Variants in RGS7 observed in about 807,000 individuals in gnomAD.
RGS7 encodes the protein regulator of G-protein signaling 7.
A neutral mutation model predicts 81.1 loss-of-function variants in RGS7; 27 were observed. That is an observed-to-expected ratio of 0.33 (90% CI 0.25 to 0.46). The LOEUF is 0.46. Ranked by LOEUF, RGS7 falls within the 20% of genes least tolerant of loss-of-function variation. RGS7 has a pLI of 1.00. For missense variants in RGS7, 396 were observed against 607.4 expected (o/e 0.65, Z 3.66); for synonymous variants, 208 against 207.7 (o/e 1.00, Z -0.01).
chr1:241,008,014 G>A (rs1025494936), intron 3 of RGS7, among the ~76,000 whole-genome samples: 4 of 152,266 alleles, frequency 2.6e-5, no homozygotes, highest in East Asian at 3.9e-4. Flanking sequence ...GTCTTGAAGC[G>A]AAAATAAAGT....
At chr1:241,040,438 A>G (rs1298761239) in intron 3 of RGS7, among the ~76,000 whole-genome samples, 1 of 152,108 alleles carries the variant, frequency 6.6e-6, no homozygotes, top group Non-Finnish European at 1.5e-5. Flanking sequence ...ACATGTGTAG[A>G]TGATTATGAG....
intron 3 of RGS7, among the ~76,000 whole-genome samples, chr1:241,047,609 T>C (rs1439025937): frequency 6.6e-6 from 1 of 152,164 alleles, no homozygotes. Flanking sequence ...ATGTCACTAT[T>C]AGTACTTACT....
intron 3 of RGS7, among the ~76,000 whole-genome samples, chr1:241,016,288 G>C (rs550841774): frequency 6.6e-6 from 1 of 152,112 alleles, no homozygotes; most frequent in African/African-American, 2.4e-5. Context: ...GGGAGGCCAA[G>C]GTGGTCTGAT....
At chr1:241,128,827 C>A (rs2066881408) in intron 2 of RGS7, among the ~76,000 whole-genome samples, 1 of 137,428 alleles carries the variant, frequency 7.3e-6, no homozygotes, top group African/African-American at 2.7e-5. Context: ...TAGGGAATTT[C>A]ATACAAAGGG....
chr1:241,244,611 T>A (rs958364505), intron 2 of RGS7, among the ~76,000 whole-genome samples: 1 of 152,158 alleles, frequency 6.6e-6, no homozygotes, highest in African/African-American at 2.4e-5. Flanking sequence ...ACTGGGTATA[T>A]ACGCAAAGGA....
At chr1:241,083,655 T>C (rs972180355) in intron 3 of RGS7, among the ~76,000 whole-genome samples, 3 of 152,208 alleles carry the variant, frequency 2.0e-5, no homozygotes, top group Non-Finnish European at 4.4e-5. Context: ...CAAGAATTAA[T>C]TTTTTTCCTA....
chr1:241,170,699 G>T (rs980872349), intron 2 of RGS7, among the ~76,000 whole-genome samples: 1 of 152,170 alleles, frequency 6.6e-6, no homozygotes. Context: ...TCTGGAGGGA[G>T]CAGTGCGGAA....
intron 3 of RGS7, among the ~76,000 whole-genome samples, chr1:240,999,410 A>C (rs983164170): frequency 2.0e-5 from 3 of 152,176 alleles, no homozygotes; most frequent in African/African-American, 7.2e-5. Flanking sequence ...ATGTCTTAAG[A>C]AAGTTTACGA....
At chr1:240,828,355 G>C (rs897554305) in intron 9 of RGS7, among the ~76,000 whole-genome samples, 33 of 152,134 alleles carry the variant, frequency 2.2e-4, no homozygotes, top group Non-Finnish European at 7.3e-5. Context: ...AGAGAAGACA[G>C]GAGATTCAAA....
chr1:240,870,934 C>T (rs141774811), intron 6 of RGS7, among the ~76,000 whole-genome samples: 2 of 152,312 alleles, frequency 1.3e-5, no homozygotes, highest in East Asian at 3.9e-4. Context: ...GGTATCACAT[C>T]TTACCTACCT....
chr1:241,214,740 C>T (rs1326418265), intron 2 of RGS7, among the ~76,000 whole-genome samples: 3 of 151,980 alleles, frequency 2.0e-5, no homozygotes, highest in East Asian at 3.8e-4. Flanking sequence ...TCTATTGATT[C>T]GTGACCAAAT....
chr1:241,227,863 GTTTTC>G (rs1165883993), intron 2 of RGS7, among the ~76,000 whole-genome samples: 1 of 152,194 alleles, frequency 6.6e-6, no homozygotes, highest in East Asian at 1.9e-4. Context: ...AGCATATTGT[GTTTTC>G]TGAAGGTAGG....
At chr1:241,105,090 T>G (rs984740593) in intron 2 of RGS7, among the ~76,000 whole-genome samples, 4 of 152,184 alleles carry the variant, frequency 2.6e-5, no homozygotes, top group African/African-American at 9.6e-5. Flanking sequence ...GTAGGGCAGG[T>G]TAAAACACTC....
chr1:241,142,424 A>G (rs2067995011), intron 2 of RGS7, among the ~76,000 whole-genome samples: 1 of 152,160 alleles, frequency 6.6e-6, no homozygotes, highest in South Asian at 2.1e-4. Context: ...AGGCATTTCC[A>G]TACATCTTCT....
At chr1:240,899,803 T>C (rs1464340216) in intron 6 of RGS7, among the ~76,000 whole-genome samples, 2 of 152,202 alleles carry the variant, frequency 1.3e-5, no homozygotes, top group African/African-American at 2.4e-5. Context: ...TGTGGCGTTC[T>C]CTGTATTTCC....
chr1:241,042,474 C>T (rs185428532), intron 3 of RGS7, among the ~76,000 whole-genome samples: 2 of 152,182 alleles, frequency 1.3e-5, no homozygotes, highest in East Asian at 3.9e-4. Flanking sequence ...TTTTATTTTA[C>T]TAGTAGTCAC....
At chr1:241,304,198 CGA>C (rs2079942999) in intron 2 of RGS7, among the ~76,000 whole-genome samples, 2 of 152,238 alleles carry the variant, frequency 1.3e-5, no homozygotes, top group Admixed American at 1.3e-4. Flanking sequence ...CTCAGACTCC[CGA>C]GTAACTAGGA....
chr1:241,166,846 A>G (rs2070293708), intron 2 of RGS7, among the ~76,000 whole-genome samples: 1 of 152,206 alleles, frequency 6.6e-6, no homozygotes, highest in Non-Finnish European at 1.5e-5. Flanking sequence ...GCACAAAGAG[A>G]GTGAACAATG....
intron 2 of RGS7, among the ~76,000 whole-genome samples, chr1:241,162,222 G>GCCCCCCCCCCCCCCCCCCCCCC (rs68166816): frequency 1.4e-5 from 2 of 142,024 alleles, no homozygotes; most frequent in African/African-American, 2.6e-5. Context: ...CTGGTGATCA[G>GCCCCCCCCCCCCCCCCCCCCCC]CTTCCAAATA....
Sources: allele counts gnomAD v4.1 joint callset (sites outside exome capture counted in the v4.1 genomes callset), GRCh38; gene constraint gnomAD v4.1.1; transcripts MANE v1.5; gene names NCBI Gene and HGNC (gene_info 2026-07-23, HGNC 2026-07-21).